TTLL7: variants seen among roughly 807,000 people sequenced by gnomAD.
TTLL7 encodes the protein tubulin polyglutamylase TTLL7.
A neutral mutation model predicts 120.2 loss-of-function variants in TTLL7; 53 were observed. The ratio of observed to expected loss-of-function variants is 0.44; its 90% CI spans 0.35 to 0.55. The LOEUF (loss-of-function observed/expected upper bound fraction) is 0.55, where lower values mean the gene tolerates loss of function less well. Among genes scored for constraint, TTLL7 ranks in the 20% least tolerant of loss-of-function variants. TTLL7 has a pLI of 0.00. For missense variants in TTLL7, 803 were observed against 1,054.7 expected (o/e 0.76, Z 3.31); for synonymous variants, 353 against 351.7 (o/e 1.00, Z -0.04).
At chr1:83,954,310 A>G (rs1180237921) in intron 1 of TTLL7, among the ~76,000 whole-genome samples, 1 of 152,218 alleles carries the variant, frequency 6.6e-6, no homozygotes, top group Non-Finnish European at 1.5e-5. Flanking sequence ...CAAGGCATAC[A>G]GGAATTTAAA....
intron 1 of TTLL7, among the ~76,000 whole-genome samples, chr1:83,976,929 C>A (rs919837501): frequency 6.6e-6 from 1 of 151,922 alleles, no homozygotes; most frequent in African/African-American, 2.4e-5. Context: ...TCTCTCTTAA[C>A]ATTAACTTAA....
At chr1:83,888,881 A>G (rs1655195227) in intron 19 of TTLL7, among the ~76,000 whole-genome samples, 1 of 152,052 alleles carries the variant, frequency 6.6e-6, no homozygotes, top group Non-Finnish European at 1.5e-5. Context: ...TGACAGTAAG[A>G]AGGATATGAG....
intron 7 of TTLL7, among the ~76,000 whole-genome samples, chr1:83,941,371 G>C (rs887242348): frequency 6.6e-6 from 1 of 152,204 alleles, no homozygotes; most frequent in Non-Finnish European, 1.5e-5. Flanking sequence ...CCAGAATGTA[G>C]TAGAGTTCAA....
intron 1 of TTLL7, among the ~76,000 whole-genome samples, chr1:83,995,409 G>T (rs1653389535): frequency 1.3e-5 from 2 of 151,478 alleles, no homozygotes; most frequent in African/African-American, 2.4e-5. Flanking sequence ...CGCTCACTCT[G>T]AGTTCTCACA....
intron 9 of TTLL7, 130 bp from the exon 10 acceptor site, chr1:83,929,360 C>G: frequency 1.7e-6 from 1 of 600,540 alleles, no homozygotes; most frequent in South Asian, 2.4e-5. Context: ...TGGCAGATGG[C>G]CCAGTTGTTA....
At chr1:83,896,687 A>G (rs533067121) in intron 18 of TTLL7, among the ~76,000 whole-genome samples, 1 of 152,242 alleles carries the variant, frequency 6.6e-6, no homozygotes, top group East Asian at 1.9e-4. Flanking sequence ...TATTAAAAAT[A>G]AATTGCTATT....
Position 83,933,603 on chromosome 1 carries a change from C to T in TTLL7, c.1047+5G>A. On this transcript the variant is annotated splice_donor_5th_base_variant and intron_variant, in intron 9 of 20. Transcript: ENST00000260505. ...ACTCTTCTTTTTTCTTAAAGAATGC[C>T]TTACCTCCAGAAGCCATGGCTTTAG... is the stretch of plus-strand genomic sequence containing the variant. 1 of 1,608,564 alleles carries T rather than the reference C, an allele frequency of 6.2e-7. No individual in the cohort carries two copies. The highest frequency in any genetic ancestry group is 8.5e-7 in the Non-Finnish European group (1 of 1,178,250).
intron 1 of TTLL7, among the ~76,000 whole-genome samples, chr1:83,971,169 A>G (rs1571346383): frequency 2.0e-5 from 3 of 152,234 alleles, no homozygotes; most frequent in African/African-American, 7.2e-5. Flanking sequence ...AGGACATTGA[A>G]GGCATCTACT....
At chr1:83,923,658 C>T (rs1658869911) in intron 10 of TTLL7, among the ~76,000 whole-genome samples, 1 of 152,136 alleles carries the variant, frequency 6.6e-6, no homozygotes, top group Non-Finnish European at 1.5e-5. Context: ...TTCCCACTTT[C>T]TGGCCCTTAG....
chr1:83,924,930 A>G (rs1246720409), intron 10 of TTLL7, among the ~76,000 whole-genome samples: 3 of 151,844 alleles, frequency 2.0e-5, no homozygotes, highest in African/African-American at 4.8e-5. Flanking sequence ...GGCCAGCTCA[A>G]AAAGTGCCTT....
intron 7 of TTLL7, among the ~76,000 whole-genome samples, chr1:83,942,143 A>G (rs547402032): frequency 1.3e-5 from 2 of 152,292 alleles, no homozygotes; most frequent in East Asian, 1.9e-4. Flanking sequence ...ATTGCATGTT[A>G]GTATTATTTA....
intron 19 of TTLL7, chr1:83,890,100 C>T (rs1655330289): frequency 1.3e-5 from 8 of 596,360 alleles, no homozygotes; most frequent in Admixed American, 2.5e-5. Flanking sequence ...GGACTACCTT[C>T]TCTCCACCGA....
At chr1:83,952,864 G>A (rs751787620) in intron 1 of TTLL7, among the ~76,000 whole-genome samples, 2 of 152,152 alleles carry the variant, frequency 1.3e-5, no homozygotes, top group Non-Finnish European at 2.9e-5. Context: ...TAATGTCAAT[G>A]CCAGAGTGTC....
rs75809722 is a variant in TTLL7, at chr1:83,925,081, G to A, written c.1143-3687C>T. 5.1e-3 allele frequency among the ~76,000 whole-genome samples: 771 copies of A among 152,178 alleles called. 9 individuals are homozygous for A. Among genetic ancestry groups the A allele is most frequent in the African/African-American group, 0.018 (742 of 41,526 alleles). On this transcript the variant is annotated intron_variant, in intron 10 of 20. Coordinates refer to ENST00000260505, the MANE Select transcript of TTLL7 (RefSeq NM_024686.6). ...TACTGGCATCCCTCAGGGTTCTGTC[G>A]CTGCCCTTCTTCTCAAAACATACAG...
chr1:83,898,139 T>C (rs1451426425), intron 18 of TTLL7, among the ~76,000 whole-genome samples: 1 of 152,030 alleles, frequency 6.6e-6, no homozygotes, highest in Non-Finnish European at 1.5e-5. Flanking sequence ...TATAAGACAA[T>C]AGCACAAGTT....
At chr1:83,982,979 A>G (rs1179284760) in intron 1 of TTLL7, among the ~76,000 whole-genome samples, 1 of 152,176 alleles carries the variant, frequency 6.6e-6, no homozygotes, top group Non-Finnish European at 1.5e-5. Flanking sequence ...AGAACAGAGA[A>G]CACAGAAATA....
At chr1:83,956,886 C>T (rs957424794) in intron 1 of TTLL7, among the ~76,000 whole-genome samples, 20 of 152,168 alleles carry the variant, frequency 1.3e-4, no homozygotes, top group Non-Finnish European at 2.4e-4. Flanking sequence ...CTTACTTGTA[C>T]TTACCTTTAG....
chr1:83,950,209 G>T (rs555325361), intron 3 of TTLL7, among the ~76,000 whole-genome samples: 1 of 152,014 alleles, frequency 6.6e-6, no homozygotes, highest in Admixed American at 6.6e-5. Context: ...CCTTCCTTTC[G>T]ATCTTCTCAG....
At chr1:83,973,606 C>A (rs1388920823) in intron 1 of TTLL7, among the ~76,000 whole-genome samples, 1 of 151,930 alleles carries the variant, frequency 6.6e-6, no homozygotes, top group African/African-American at 2.4e-5. Flanking sequence ...ATCCACAAAA[C>A]AAATTGCTGA....
Sources: allele counts gnomAD v4.1 joint callset (sites outside exome capture counted in the v4.1 genomes callset), GRCh38; gene constraint gnomAD v4.1.1; transcripts MANE v1.5; gene names NCBI Gene and HGNC (gene_info 2026-07-23, HGNC 2026-07-21).